Variants in VMP1 observed in about 807,000 individuals in gnomAD.
The protein encoded by VMP1 is vacuole membrane protein 1, also known as ectopic P-granules autophagy protein 3 homolog.
VMP1 carries 11 observed loss-of-function variants against 56.0 expected under a neutral mutation model. The observed-to-expected ratio is 0.20, with a 90% confidence interval of 0.12 to 0.32. VMP1 has a LOEUF of 0.32. VMP1 is among the 10% of genes least tolerant of loss of function. The probability of loss-of-function intolerance (pLI) is 1.00; values close to 1 mark genes in which losing one functional copy is unlikely to be tolerated. For synonymous variants in VMP1, 149 were observed against 165.0 expected (o/e 0.90, Z 0.74); for missense variants, 296 against 490.3 (o/e 0.60, Z 3.74).
Position 59,839,917 on chromosome 17 carries a change from G to A in VMP1, c.*6G>A. ...CAGAGGAGAAAACTAAATAAGTAGAGAAAGTTTTAAACTGCAGAAATTGGA... is the reference window on the plus strand; with the variant it reads ...CAGAGGAGAAAACTAAATAAGTAGAAAAAGTTTTAAACTGCAGAAATTGGA... On this transcript the variant is annotated 3_prime_UTR_variant, in exon 12 of 12. Transcript: ENST00000262291. 1 of 1,609,980 alleles carries A rather than the reference G, an allele frequency of 6.2e-7. No homozygotes were observed. Among genetic ancestry groups the A allele is most frequent in the Admixed American group, 1.7e-5 (1 of 58,348 alleles).
intron 5 of VMP1, among the ~76,000 whole-genome samples, chr17:59,748,895 T>TA (rs2035534324): frequency 3.0e-5 from 3 of 100,892 alleles, no homozygotes; most frequent in Admixed American, 2.9e-4. Context: ...TTATTATTTA[T>TA]TTTTTTTTTT....
intron 10 of VMP1, among the ~76,000 whole-genome samples, chr17:59,819,379 G>T (rs921353755): frequency 6.6e-6 from 1 of 152,128 alleles, no homozygotes; most frequent in African/African-American, 2.4e-5. Context: ...CTGGTTTCAA[G>T]TAGTCCTCCC....
intron 10 of VMP1, among the ~76,000 whole-genome samples, chr17:59,829,378 C>T (rs895182919): frequency 2.0e-5 from 3 of 152,264 alleles, no homozygotes; most frequent in East Asian, 1.9e-4. Context: ...CACCCTTTTC[C>T]GAGCAGTCTA....
intron 7 of VMP1, among the ~76,000 whole-genome samples, chr17:59,786,602 G>T (rs199511733): frequency 1.3e-5 from 2 of 152,154 alleles, no homozygotes; most frequent in African/African-American, 4.8e-5. Context: ...GTTGTGGTTT[G>T]TCTGGCCATC....
At chr17:59,737,578 A>G in intron 4 of VMP1, 35 bp downstream of exon 4, 1 of 1,548,368 alleles carries the variant, frequency 6.5e-7, no homozygotes, top group Non-Finnish European at 8.8e-7. Flanking sequence ...CTAGTCTTGC[A>G]CATTCTCTAA....
chr17:59,716,177 T>G (rs2034145176), intron 1 of VMP1, among the ~76,000 whole-genome samples: 1 of 152,168 alleles, frequency 6.6e-6, no homozygotes, highest in South Asian at 2.1e-4. Context: ...TCAGAGCAAG[T>G]GTTCACCCAG....
At position 59,750,777 on chromosome 17, in the gene VMP1, T is replaced by G. The variant is rs185507739; in HGVS notation, c.414+11830T>G. ...TTTTTAGTTCTTATGCAGGCATATT[T>G]TTGTTCATTCATTTGATATCTACCT... On this transcript the variant is annotated intron_variant, in intron 5 of 11. Coordinates refer to ENST00000262291, the MANE Select transcript of VMP1 (RefSeq NM_030938.5). Among the ~76,000 whole-genome samples the G allele has an allele frequency of 1.5e-4, 23 of 152,268 alleles. No homozygotes were observed. In the East Asian group the frequency reaches 4.4e-3, roughly 29 times the overall value.
chr17:59,822,326 C>CTTTTTT (rs774358954), intron 10 of VMP1, among the ~76,000 whole-genome samples: 4 of 125,352 alleles, frequency 3.2e-5, no homozygotes, highest in Non-Finnish European at 4.9e-5. Context: ...GTAGGAAATA[C>CTTTTTT]TTTTTTTTTT....
At chr17:59,711,473 C>T (rs1568003331) in intron 1 of VMP1, among the ~76,000 whole-genome samples, 1 of 152,012 alleles carries the variant, frequency 6.6e-6, no homozygotes, top group Non-Finnish European at 1.5e-5. Flanking sequence ...ATAACTTTGT[C>T]GTGGTTTTGT....
At chr17:59,801,721 C>A (rs1214372701) in intron 7 of VMP1, among the ~76,000 whole-genome samples, 1 of 151,870 alleles carries the variant, frequency 6.6e-6, no homozygotes, top group Non-Finnish European at 1.5e-5. Flanking sequence ...GTGGTGAAAC[C>A]CCATCTCTAC....
chr17:59,772,116 A>T (rs1451776326), intron 6 of VMP1, among the ~76,000 whole-genome samples: 1 of 151,612 alleles, frequency 6.6e-6, no homozygotes, highest in Non-Finnish European at 1.5e-5. Flanking sequence ...TCAGCCTCCC[A>T]GGTAGCTGGG....
At chr17:59,831,141 TCTTA>T (rs924823886) in intron 10 of VMP1, among the ~76,000 whole-genome samples, 13 of 152,270 alleles carry the variant, frequency 8.5e-5, no homozygotes, top group Admixed American at 3.9e-4. Context: ...AGATTTCAGA[TCTTA>T]CTTATTTATT....
At chr17:59,726,290 T>G (rs1415496455) in intron 1 of VMP1, among the ~76,000 whole-genome samples, 1 of 120,610 alleles carries the variant, frequency 8.3e-6, no homozygotes, top group Non-Finnish European at 2.1e-5. Flanking sequence ...TAGTTTTTTT[T>G]GTTTTTTTTT....
At chr17:59,721,796 T>G (rs1167395666) in intron 1 of VMP1, among the ~76,000 whole-genome samples, 1 of 152,232 alleles carries the variant, frequency 6.6e-6, no homozygotes, top group Admixed American at 6.5e-5. Context: ...AACATTGTAT[T>G]GCTCTGCCAG....
chr17:59,710,474 C>T (rs1443424083), intron 1 of VMP1, among the ~76,000 whole-genome samples: 1 of 152,086 alleles, frequency 6.6e-6, no homozygotes, highest in African/African-American at 2.4e-5. Flanking sequence ...AATAATTACT[C>T]TTAGGTATTA....
intron 7 of VMP1, among the ~76,000 whole-genome samples, chr17:59,800,424 A>G (rs1230262411): frequency 2.6e-5 from 4 of 152,232 alleles, no homozygotes; most frequent in Non-Finnish European, 5.9e-5. Context: ...GCACGCAGAA[A>G]CCAGCAAGTA....
At chr17:59,749,722 G>A (rs760941462) in intron 5 of VMP1, among the ~76,000 whole-genome samples, 37 of 151,950 alleles carry the variant, frequency 2.4e-4, no homozygotes, top group Admixed American at 5.9e-4. Context: ...TGTTGGCCAG[G>A]CTGGTCTCGA....
At chr17:59,807,206 T>TG (rs1383748315) in intron 7 of VMP1, among the ~76,000 whole-genome samples, 11 of 150,834 alleles carry the variant, frequency 7.3e-5, no homozygotes, top group African/African-American at 2.2e-4. Flanking sequence ...TTTGTTTTTT[T>TG]TTTTTTTTGA....
intron 7 of VMP1, among the ~76,000 whole-genome samples, chr17:59,800,890 G>A (rs1247695533): frequency 6.6e-6 from 1 of 151,912 alleles, no homozygotes. Flanking sequence ...GACCAGCCTG[G>A]CCAGCATGGT....
Sources: gnomAD v4.1 joint callset for allele counts (sites outside exome capture counted in the v4.1 genomes callset) on GRCh38, gnomAD v4.1.1 for gene constraint, MANE v1.5 for transcripts, NCBI Gene and HGNC (gene_info 2026-07-23, HGNC 2026-07-21) for gene names.